ACBD3: variants seen among roughly 807,000 people sequenced by gnomAD.
ACBD3 encodes the protein acyl-CoA binding domain containing 3.
ACBD3 carries 30 observed loss-of-function variants against 66.9 expected under a neutral mutation model. The observed-to-expected ratio is 0.45, with a 90% CI of 0.34 to 0.61. The LOEUF (loss-of-function observed/expected upper bound fraction) is 0.61, where lower values mean the gene tolerates loss of function less well. Ranked by LOEUF, ACBD3 falls within the 20% of genes least tolerant of loss-of-function variation. The pLI, the probability that ACBD3 is intolerant of heterozygous loss-of-function variation, is 0.02. For synonymous variants in ACBD3, 278 were observed against 259.8 expected (o/e 1.07, Z -0.68); for missense variants, 544 against 664.5 (o/e 0.82, Z 1.99).
At position 226,159,235 on chromosome 1, in the gene ACBD3, G is replaced by C. The variant is rs1373409344; in HGVS notation, c.852C>G (p.His284Gln). 6.2e-7 allele frequency: 1 copy of C among 1,614,070 alleles called. No individual in the cohort carries two copies. The highest frequency in any genetic ancestry group is 8.5e-7 in the Non-Finnish European group (1 of 1,180,030). ...QILIRQLQEQ[H>Q]YQQYMQQLYQ... Reference sequence around the variant, plus strand: ...ACAACTGCTGCATGTACTGCTGATAGTGTTGCTCCTGCAACTGGCGGATGA... The same window carrying C: ...ACAACTGCTGCATGTACTGCTGATACTGTTGCTCCTGCAACTGGCGGATGA... The change falls in exon 5 of 8, where the codon CAC becomes CAG. Residue 284 changes from histidine (H) to glutamine (Q), a missense_variant. This residue lies in a region of ACBD3 where 383 missense variants were observed against 462.4 expected (regional missense o/e 0.83). Coordinates refer to ENST00000366812, the MANE Select transcript of ACBD3 (RefSeq NM_022735.4).
At chr1:226,148,843 G>C (rs916283850) in intron 7 of ACBD3, among the ~76,000 whole-genome samples, 16 of 152,212 alleles carry the variant, frequency 1.1e-4, no homozygotes, top group Non-Finnish European at 2.4e-4. Flanking sequence ...CAATTTGTGA[G>C]CTAAATCTTT....
At position 226,164,875 on chromosome 1, in the gene ACBD3, A is replaced by T; in HGVS notation, c.483T>A (p.Phe161Leu). 1 of 1,610,852 alleles carries T rather than the reference A, an allele frequency of 6.2e-7. No individual in the cohort carries two copies. The highest frequency in any genetic ancestry group is 8.5e-7 in the Non-Finnish European group (1 of 1,178,518). ...GGCAACACCTATTTAAGAGCTTGAC[A>T]AACTCCACCATGGCATCCTCTTTAG... ...NMSKEDAMVE[F>L]VKLLNRCCHL... is the part of the protein sequence containing the mutation. The change falls in exon 3 of 8, where the codon TTT becomes TTA. Residue 161 changes from phenylalanine (F) to leucine (L), a missense_variant. Phe to Leu is a conservative substitution (Grantham distance 22, BLOSUM62 0). This residue lies in a region of ACBD3 where 383 missense variants were observed against 462.4 expected (regional missense o/e 0.83). Transcript: ENST00000366812.
chr1:226,171,582 C>T (rs1208017401), intron 1 of ACBD3, among the ~76,000 whole-genome samples: 2 of 151,586 alleles, frequency 1.3e-5, no homozygotes, highest in South Asian at 2.1e-4. Context: ...CTGTTACCCA[C>T]GATGGAGCAC....
At chr1:226,179,874 A>G (rs1176453047) in intron 1 of ACBD3, among the ~76,000 whole-genome samples, 1 of 151,428 alleles carries the variant, frequency 6.6e-6, no homozygotes, top group Non-Finnish European at 1.5e-5. Flanking sequence ...AAAACCAAAT[A>G]TTAAAACTGA....
Position 226,164,265 on chromosome 1 carries a change from T to C in ACBD3, c.569+524A>G, listed in dbSNP as rs1278257560. Among the ~76,000 whole-genome samples, 4 of 152,052 alleles carry C rather than the reference T, an allele frequency of 2.6e-5. No individual in the cohort carries two copies. In the East Asian group the frequency reaches 7.7e-4, roughly 29 times the overall value. On this transcript the variant is annotated intron_variant, in intron 3 of 7. Transcript: ENST00000366812. ...AAATAAGGTGTAACTATAATTCTAATTCACAACTACAACAGAGAATCCCAT... is the reference window on the plus strand; with the variant it reads ...AAATAAGGTGTAACTATAATTCTAACTCACAACTACAACAGAGAATCCCAT...
chr1:226,158,002 T>A (rs981540502), intron 5 of ACBD3, among the ~76,000 whole-genome samples: 1 of 152,202 alleles, frequency 6.6e-6, no homozygotes, highest in African/African-American at 2.4e-5. Context: ...GAAGTGAAAC[T>A]AAAGTAGAAA....
chr1:226,167,046 C>T (rs1031293912), intron 1 of ACBD3, among the ~76,000 whole-genome samples: 11 of 152,216 alleles, frequency 7.2e-5, no homozygotes, highest in Admixed American at 1.3e-4. Context: ...CCTCCTGCCT[C>T]AGCCTCCCAA....
chr1:226,173,620 C>T (rs370299677), intron 1 of ACBD3, among the ~76,000 whole-genome samples: 1 of 152,028 alleles, frequency 6.6e-6, no homozygotes. Context: ...CCTTCACAAT[C>T]TATATTGCTA....
chr1:226,178,650 TTC>T (rs1418736729), intron 1 of ACBD3, among the ~76,000 whole-genome samples: 2 of 151,924 alleles, frequency 1.3e-5, no homozygotes, highest in African/African-American at 4.8e-5. Context: ...ATTTTTTCTC[TTC>T]TCTCTGGAGG....
rs761645228 is a variant in ACBD3, at chr1:226,146,520, A to G, written c.*90T>C. On this transcript the variant is annotated 3_prime_UTR_variant, in exon 8 of 8. Coordinates refer to ENST00000366812, the MANE Select transcript of ACBD3 (RefSeq NM_022735.4). ...ACCAATATCAATAAGGTAAACTGTG[A>G]CTCTAATGCTCCACAAAAGTAAAAA... is the stretch of plus-strand genomic sequence containing the variant. 1 of 1,086,716 alleles carries G rather than the reference A, an allele frequency of 9.2e-7. No homozygotes were observed. The highest frequency in any genetic ancestry group is 1.3e-6 in the Non-Finnish European group (1 of 743,640). The allele number at this position is 1,086,716 out of a possible 1,614,324, so 67.3% of individuals were successfully genotyped here.
chr1:226,186,651 G>A lies in ACBD3; in HGVS notation c.25C>T (p.Arg9Ter). 1 of 1,510,758 alleles carries A rather than the reference G, an allele frequency of 6.6e-7. No individual in the cohort carries two copies. The highest frequency in any genetic ancestry group is 8.8e-7 in the Non-Finnish European group (1 of 1,136,154). 93.6% of individuals were successfully genotyped at this position (1,510,758 alleles called of 1,614,324 possible). A position where few individuals can be genotyped will look rare whatever the true frequency, so the allele number is the denominator to read the frequency against. The change falls in exon 1 of 8, where the codon CGA (arginine) becomes TGA (stop). Residue 9 changes from arginine to a stop codon, truncating the protein, a stop_gained. Transcript: ENST00000366812. LOFTEE classifies it high-confidence loss of function. MAAVLNAE[R>*]LEVSVDGLTL... ...AGGCCGTCGACGGACACCTCGAGTC[G>A]CTCTGCGTTCAGCACCGCCGCCATC...
chr1:226,182,515 G>A (rs766166872), intron 1 of ACBD3, among the ~76,000 whole-genome samples: 9 of 152,100 alleles, frequency 5.9e-5, no homozygotes, highest in Non-Finnish European at 1.2e-4. Flanking sequence ...TCACGAGGCT[G>A]AGGCAGGAGA....
At chr1:226,180,180 A>G (rs1656141184) in intron 1 of ACBD3, among the ~76,000 whole-genome samples, 1 of 151,986 alleles carries the variant, frequency 6.6e-6, no homozygotes. Flanking sequence ...CCCAAAAAAA[A>G]AAAAAAAAAA....
At chr1:226,161,766 C>T in intron 3 of ACBD3, 77 bp from the exon 4 acceptor site, 1 of 1,465,522 alleles carries the variant, frequency 6.8e-7, no homozygotes. Context: ...CCAGGGAAAA[C>T]TGACATGACC....
intron 7 of ACBD3, among the ~76,000 whole-genome samples, chr1:226,148,882 G>A (rs1390608383): frequency 6.6e-6 from 1 of 152,174 alleles, no homozygotes; most frequent in African/African-American, 2.4e-5. Context: ...CTCATGTAAT[G>A]AACAATTCTT....
At chr1:226,166,155 T>A (rs893828503) in intron 1 of ACBD3, among the ~76,000 whole-genome samples, 155 bp from the exon 2 acceptor site, 11 of 152,222 alleles carry the variant, frequency 7.2e-5, no homozygotes, top group East Asian at 1.9e-4. Flanking sequence ...TTACTACTTT[T>A]AAAAAATTTT....
intron 1 of ACBD3, among the ~76,000 whole-genome samples, chr1:226,171,860 AAAG>A (rs1189715502): frequency 2.6e-5 from 4 of 152,066 alleles, no homozygotes; most frequent in South Asian, 4.2e-4. Context: ...GTGTTTTTAA[AAAG>A]AAGAATATGT....
intron 1 of ACBD3, among the ~76,000 whole-genome samples, chr1:226,169,169 C>T (rs1239391121): frequency 1.3e-5 from 2 of 152,054 alleles, no homozygotes; most frequent in South Asian, 2.1e-4. Context: ...ACCCCCTTCT[C>T]GCTTTTAACA....
At position 226,168,679 on chromosome 1, in the gene ACBD3, T is replaced by C. The variant is rs1283398579; in HGVS notation, c.287-2679A>G. Reference sequence around the variant, plus strand: ...CAACATATAACTCAAGTATTTACGATGATGCTGGCGTTAAACTAACCTACT... The same window carrying C: ...CAACATATAACTCAAGTATTTACGACGATGCTGGCGTTAAACTAACCTACT... On this transcript the variant is annotated intron_variant, in intron 1 of 7. Transcript: ENST00000366812. Among the ~76,000 whole-genome samples the C allele has an allele frequency of 2.6e-5, 4 of 152,236 alleles. No individual in the cohort carries two copies. In the East Asian group the frequency reaches 7.7e-4, roughly 29 times the overall value.
Sources: gnomAD v4.1 joint callset for allele counts (sites outside exome capture counted in the v4.1 genomes callset) on GRCh38, gnomAD v4.1.1 for gene constraint, gnomAD v4.1.1 regional missense constraint, MANE v1.5 for transcripts, NCBI Gene and HGNC (gene_info 2026-07-23, HGNC 2026-07-21) for gene names.